Variants in EFTUD2 observed in about 807,000 individuals in gnomAD.
EFTUD2 encodes the protein 116 kDa U5 small nuclear ribonucleoprotein component.
EFTUD2 carries 9 observed loss-of-function variants against 114.3 expected under a neutral mutation model. That is an observed-to-expected ratio of 0.08 (90% CI 0.05 to 0.14). EFTUD2 has a LOEUF of 0.14. Ranked by LOEUF, EFTUD2 falls within the 10% of genes least tolerant of loss-of-function variation. The probability of loss-of-function intolerance (pLI) is 1.00; values close to 1 mark genes in which losing one functional copy is unlikely to be tolerated. For missense variants in EFTUD2, 765 were observed against 1,241.2 expected (o/e 0.62, Z 5.76); for synonymous variants, 449 against 462.3 (o/e 0.97, Z 0.37).
intron 11 of EFTUD2, among the ~76,000 whole-genome samples, chr17:44,871,750 C>T (rs1010341550): frequency 1.3e-5 from 2 of 152,218 alleles, no homozygotes; most frequent in Non-Finnish European, 1.5e-5. Flanking sequence ...GATGCTCCAC[C>T]GCCTACTGGT....
At chr17:44,869,035 T>C (rs1040570144) in intron 11 of EFTUD2, among the ~76,000 whole-genome samples, 10 of 152,230 alleles carry the variant, frequency 6.6e-5, no homozygotes, top group Non-Finnish European at 1.5e-4. Flanking sequence ...TCTACCCAGA[T>C]GTCAGACTGT....
At chr17:44,871,017 CAA>C in intron 11 of EFTUD2, among the ~76,000 whole-genome samples, 1 of 145,778 alleles carries the variant, frequency 6.9e-6, no homozygotes, top group African/African-American at 2.5e-5. Flanking sequence ...GATTATGTCT[CAA>C]AAAAAAAAGA....
intron 2 of EFTUD2, among the ~76,000 whole-genome samples, chr17:44,887,645 C>T (rs950566487): frequency 2.6e-5 from 4 of 152,146 alleles, no homozygotes; most frequent in Admixed American, 2.6e-4. Flanking sequence ...TCTATATAGA[C>T]AGAAAGCAGA....
intron 1 of EFTUD2, among the ~76,000 whole-genome samples, chr17:44,894,832 G>C (rs992407778): frequency 6.6e-6 from 1 of 152,190 alleles, no homozygotes; most frequent in Admixed American, 6.5e-5. Context: ...TACAGAGATG[G>C]GGCGTGGGGG....
rs200923569 is a variant in EFTUD2 at position 44,863,721 on chromosome 17, A to T, written c.1347T>A (p.Ile449=). Residue 449 remains isoleucine (I), a synonymous_variant, in exon 15 of 28, where the codon ATT becomes ATA. Transcript: ENST00000426333. ...CCACACCACCGGTGTAGGTGTGCTC[A>T]ATCTTGGGCTTGGCGCCCACCTTTG... is the stretch of plus-strand genomic sequence containing the variant. ...PSPKVGAKPK[I]EHTYTGGVDS... 5.6e-6 allele frequency: 9 copies of T among 1,614,082 alleles called. No individual in the cohort carries two copies. In the Admixed American group the frequency reaches 1.0e-4, roughly 18 times the overall value.
chr17:44,867,588 C>T (rs1317945003), intron 13 of EFTUD2, among the ~76,000 whole-genome samples: 1 of 152,048 alleles, frequency 6.6e-6, no homozygotes, highest in Non-Finnish European at 1.5e-5. Flanking sequence ...GCATGAGCCA[C>T]CATGCCCGGG....
Position 44,880,599 on chromosome 17 carries a change from C to G in EFTUD2, c.574G>C (p.Asp192His), listed in dbSNP as rs1261296199. Residue 192 changes from aspartate to histidine, a missense_variant, in exon 8 of 28, where the codon GAC becomes CAC. Physicochemically the swap from Asp to His is moderately conservative, Grantham distance 81 (BLOSUM62 -1). Coordinates refer to ENST00000426333, the MANE Select transcript of EFTUD2 (RefSeq NM_004247.4). ...AAGAGATAAGATTTTCCTTTGGTGT[C>G]TGGCAAGACCACTGTCACAGGAGTG... ...KSTPVTVVLPDTKGKSYLFNI... is the reference protein window; with the variant it reads ...KSTPVTVVLPHTKGKSYLFNI... The G allele has an allele frequency of 6.2e-7, 1 of 1,613,806 alleles. No individual in the cohort carries two copies. Among genetic ancestry groups the G allele is most frequent in the South Asian group, 1.1e-5 (1 of 91,060 alleles).
chr17:44,859,729 C>T (rs2050621649), intron 18 of EFTUD2, 176 bp downstream of exon 18: 1 of 1,005,240 alleles, frequency 9.9e-7, no homozygotes, highest in South Asian at 1.6e-5. Context: ...CACACATACA[C>T]ACACACACGT....
At chr17:44,863,060 C>T in intron 15 of EFTUD2, 154 bp from the exon 16 acceptor site, 2 of 568,824 alleles carry the variant, frequency 3.5e-6, no homozygotes, top group South Asian at 3.4e-5. Flanking sequence ...TACCCCATCC[C>T]TCTGAGAAGG....
At chr17:44,863,884 G>C in intron 14 of EFTUD2, 102 bp from the exon 15 acceptor site, 1 of 1,476,768 alleles carries the variant, frequency 6.8e-7, no homozygotes, top group Non-Finnish European at 9.1e-7. Flanking sequence ...AAAGTGCGGG[G>C]ACTGATTGTT....
rs528299306 is a variant in EFTUD2, at chr17:44,857,920, C to CTT, written c.1963-765_1963-764dup. On this transcript the variant is annotated intron_variant, in intron 19 of 27. Coordinates refer to ENST00000426333, the MANE Select transcript of EFTUD2 (RefSeq NM_004247.4). ...CTTGGGAGCCTTTATTTTCTTTTTC[C>CTT]TTTTTTTTTTTTTTTTTTTGAGACA... 6.5e-3 allele frequency among the ~76,000 whole-genome samples: 823 copies of CTT among 127,476 alleles called. 23 individuals are homozygous for CTT. Among genetic ancestry groups the CTT allele is most frequent in the African/African-American group, 0.023 (747 of 32,668 alleles). The allele number at this position is 127,476 out of a possible 152,430, so 83.6% of individuals were successfully genotyped here. A position where few individuals can be genotyped will look rare whatever the true frequency, so the allele number is the denominator to read the frequency against.
intron 10 of EFTUD2, among the ~76,000 whole-genome samples, chr17:44,873,418 C>T (rs2050889768): frequency 6.6e-6 from 1 of 151,950 alleles, no homozygotes; most frequent in South Asian, 2.1e-4. Context: ...CACAGTGGTA[C>T]AATCACCATT....
At chr17:44,888,288 T>C (rs1047951854) in intron 2 of EFTUD2, among the ~76,000 whole-genome samples, 5 of 152,176 alleles carry the variant, frequency 3.3e-5, no homozygotes, top group African/African-American at 9.7e-5. Flanking sequence ...AGAGCAAAAG[T>C]AGGCGGGGAG....
At chr17:44,877,596 A>C (rs2050988248) in intron 9 of EFTUD2, among the ~76,000 whole-genome samples, 1 of 152,190 alleles carries the variant, frequency 6.6e-6, no homozygotes, top group Non-Finnish European at 1.5e-5. Context: ...ACTTGAGGTC[A>C]GGAGTTCAAG....
intron 9 of EFTUD2, among the ~76,000 whole-genome samples, chr17:44,876,762 A>T (rs886961119): frequency 1.4e-5 from 2 of 142,352 alleles, no homozygotes; most frequent in Admixed American, 1.4e-4. Flanking sequence ...CTGAGGCAGG[A>T]GAATGGCGTG....
chr17:44,854,827 C>T lies in EFTUD2; in HGVS notation c.2132+91G>A. 1 of 1,560,508 alleles carries T rather than the reference C, an allele frequency of 6.4e-7. No individual in the cohort carries two copies. Among genetic ancestry groups the T allele is most frequent in the Non-Finnish European group, 8.8e-7 (1 of 1,133,502 alleles). On this transcript the variant is annotated intron_variant, in intron 21 of 27. Transcript: ENST00000426333. The surrounding 1 kb of genome is among the most constrained non-coding windows in gnomAD (Gnocchi z 4.3). ...GAGCAAAGGCAAAGACATAAATGCT[C>T]CCCAGAAAGATGTGTGCTCTTAGAG... is the stretch of plus-strand genomic sequence containing the variant.
At position 44,852,390 on chromosome 17, in the gene EFTUD2, G is replaced by C; in HGVS notation, c.2715+19C>G. The C allele has an allele frequency of 6.2e-7, 1 of 1,613,596 alleles. No homozygotes were observed. The highest frequency in any genetic ancestry group is 2.2e-5 in the East Asian group (1 of 44,882). ...CAGAGGTGGGAAGCCAAGTCCGCCA[G>C]CCTGCATTGCTTTCTCACCTGCCAG... On this transcript the variant is annotated intron_variant, in intron 26 of 27. Coordinates refer to ENST00000426333, the MANE Select transcript of EFTUD2 (RefSeq NM_004247.4).
At chr17:44,886,357 T>A (rs572307491) in intron 3 of EFTUD2, among the ~76,000 whole-genome samples, 1 of 152,352 alleles carries the variant, frequency 6.6e-6, no homozygotes, top group East Asian at 1.9e-4. Flanking sequence ...TTCATGCACC[T>A]AAACTGATAG....
rs1597788548 is a variant in EFTUD2 at position 44,853,619 on chromosome 17, C to T, written c.2364G>A (p.Lys788=). The change falls in exon 24 of 28, where the codon AAG becomes AAA. Residue 788 remains lysine, a synonymous_variant. Transcript: ENST00000426333. ...CAACCACCGCATCCAGGATCTTAAA[C>T]TTGACATTCCGAATCACTGTAAAGG... The part of the protein sequence containing the change: ...PLCDELIRNV[K]FKILDAVVAQ... 1 of 1,614,164 alleles carries T rather than the reference C, an allele frequency of 6.2e-7. No homozygotes were observed. The highest frequency in any genetic ancestry group is 1.7e-5 in the Admixed American group (1 of 60,022).
Sources: allele counts gnomAD v4.1 joint callset (sites outside exome capture counted in the v4.1 genomes callset), GRCh38; gene constraint gnomAD v4.1.1; non-coding constraint Gnocchi (gnomAD v3.1); transcripts MANE v1.5; gene names NCBI Gene and HGNC (gene_info 2026-07-23, HGNC 2026-07-21).